BLTP1: variants seen among roughly 807,000 people sequenced by gnomAD.
BLTP1 encodes bridge-like lipid transfer protein family member 1.
chr4:122,252,883 C>A, the BLTP1 span, among the ~76,000 whole-genome samples: 547 of 152,308 alleles, frequency 3.6e-3, 2 homozygotes, highest in African/African-American at 0.013. Context: ...TCTAACCCCA[C>A]ACAGTTCCAC....
At chr4:122,170,583 T>C in the BLTP1 span, 1 of 1,468,454 alleles carries the variant, frequency 6.8e-7, no homozygotes, top group Non-Finnish European at 9.0e-7. Flanking sequence ...TATAAATCTC[T>C]GATTCTAAAT....
chr4:122,332,494 A>G, the BLTP1 span, among the ~76,000 whole-genome samples: 1 of 152,166 alleles, frequency 6.6e-6, no homozygotes, highest in African/African-American at 2.4e-5. Flanking sequence ...TGCCCTGTAT[A>G]GTTACGGAAC....
chr4:122,279,703 C>G, the BLTP1 span: 2 of 1,491,354 alleles, frequency 1.3e-6, no homozygotes, highest in Non-Finnish European at 1.8e-6. Flanking sequence ...TTCTTGCTCT[C>G]AATATTTTTT....
At chr4:122,312,314 G>A in the BLTP1 span, among the ~76,000 whole-genome samples, 2 of 152,126 alleles carry the variant, frequency 1.3e-5, no homozygotes, top group Admixed American at 1.3e-4. Flanking sequence ...GGGATTATAG[G>A]TGTGAGCCAC....
chr4:122,283,179 T>G, the BLTP1 span, among the ~76,000 whole-genome samples: 2 of 152,190 alleles, frequency 1.3e-5, no homozygotes, highest in Non-Finnish European at 2.9e-5. Context: ...AGTTTTGCTA[T>G]TCATATTTAA....
the BLTP1 span, chr4:122,286,912 A>C: frequency 1.3e-6 from 1 of 773,198 alleles, no homozygotes; most frequent in South Asian, 1.9e-5. Context: ...TCACAGAAGA[A>C]TTCTATACCA....
chr4:122,275,244 G>A, the BLTP1 span, among the ~76,000 whole-genome samples: 3,045 of 152,022 alleles, frequency 0.02, 52 homozygotes, highest in Non-Finnish European at 0.027. Context: ...TGGGCCAGAA[G>A]CCTCACCTAG....
At chr4:122,222,991 A>G in the BLTP1 span, 3 of 954,844 alleles carry the variant, frequency 3.1e-6, no homozygotes, top group Non-Finnish European at 3.7e-6. Context: ...AAAATTTCAT[A>G]AAAATTTTAT....
At chr4:122,270,318 T>C in the BLTP1 span, 1 of 976,422 alleles carries the variant, frequency 1.0e-6, no homozygotes, top group Non-Finnish European at 1.2e-6. Flanking sequence ...TGCACATTCA[T>C]AGTGTGCATG....
the BLTP1 span, chr4:122,209,490 C>A: frequency 9.3e-6 from 3 of 323,092 alleles, no homozygotes; most frequent in Middle Eastern, 1.5e-3. Flanking sequence ...AGTAAATATA[C>A]AAAAATTAGC....
the BLTP1 span, chr4:122,250,661 G>A: frequency 7.6e-7 from 1 of 1,308,192 alleles, no homozygotes; most frequent in Non-Finnish European, 1.1e-6. Context: ...AGTTTCTGGA[G>A]TGTATTTGCC....
the BLTP1 span, among the ~76,000 whole-genome samples, chr4:122,159,909 TA>T: frequency 6.6e-6 from 1 of 152,234 alleles, no homozygotes; most frequent in Non-Finnish European, 1.5e-5. Flanking sequence ...TAGAACTAGT[TA>T]ACAGGTGAAA....
At chr4:122,325,625 T>C in the BLTP1 span, 4 of 1,109,394 alleles carry the variant, frequency 3.6e-6, no homozygotes, top group South Asian at 2.0e-5. Flanking sequence ...CATATTAAAC[T>C]ACATCTTACA....
chr4:122,230,287 A>C, the BLTP1 span: 1 of 1,231,250 alleles, frequency 8.1e-7, no homozygotes, highest in East Asian at 2.3e-5. Context: ...AGGAAATTCT[A>C]CTGAGAGAAT....
the BLTP1 span, among the ~76,000 whole-genome samples, chr4:122,313,855 G>C: frequency 0.045 from 6,639 of 147,672 alleles, 406 homozygotes; most frequent in African/African-American, 0.14. Context: ...GACACCTACT[G>C]TGTGTTTATA....
the BLTP1 span, chr4:122,240,349 T>C: frequency 6.2e-7 from 1 of 1,612,892 alleles, no homozygotes; most frequent in Non-Finnish European, 8.5e-7. Flanking sequence ...GTTCCAACTT[T>C]TAAGGTATAA....
chr4:122,280,175 C>G, the BLTP1 span: 34 of 985,170 alleles, frequency 3.5e-5, no homozygotes, highest in Admixed American at 6.2e-5. Flanking sequence ...AGTACAGTGT[C>G]GTCAGTGCAA....
chr4:122,266,520 A>G, the BLTP1 span, among the ~76,000 whole-genome samples: 1 of 152,110 alleles, frequency 6.6e-6, no homozygotes, highest in Non-Finnish European at 1.5e-5. Flanking sequence ...TTGTACTTTC[A>G]GACACTTAGG....
the BLTP1 span, chr4:122,178,108 A>G: frequency 1.2e-6 from 1 of 867,694 alleles, no homozygotes; most frequent in Non-Finnish European, 1.4e-6. Context: ...AACATCTTAT[A>G]GAATGCTTGA....
Sources: allele counts gnomAD v4.1 joint callset (sites outside exome capture counted in the v4.1 genomes callset), GRCh38; gene constraint gnomAD v4.1.1; transcripts MANE v1.5; gene names NCBI Gene and HGNC (gene_info 2026-07-23, HGNC 2026-07-21).